The following FAF1 variants were observed in gnomAD, a reference collection of about 807,000 sequenced individuals.
FAF1 encodes the protein FAS-associated factor 1.
In FAF1, 25 loss-of-function variants were observed where a neutral mutation model predicts 92.5. The ratio of observed to expected loss-of-function variants is 0.27; its 90% CI spans 0.20 to 0.38. The LOEUF is 0.38. Among genes scored for constraint, FAF1 ranks in the 10% least tolerant of loss-of-function variants. FAF1 has a pLI of 1.00. For missense variants in FAF1, 636 were observed against 793.3 expected, an observed-to-expected ratio of 0.80 and a Z score of 2.38; for synonymous variants, 234 against 273.2, an observed-to-expected ratio of 0.86 and a Z score of 1.42.
intron 8 of FAF1, among the ~76,000 whole-genome samples, chr1:50,600,076 AAATG>A (rs1652024120): frequency 6.6e-6 from 1 of 152,286 alleles, no homozygotes. Context: ...ATTTTCTCCA[AAATG>A]AATGAAGTGA....
intron 4 of FAF1, among the ~76,000 whole-genome samples, chr1:50,745,021 C>T (rs1329831358): frequency 6.6e-6 from 1 of 152,170 alleles, no homozygotes; most frequent in Non-Finnish European, 1.5e-5. Context: ...GGTGTGGTTG[C>T]TCATGCCTGT....
At chr1:50,538,673 A>C (rs529605455) in intron 14 of FAF1, among the ~76,000 whole-genome samples, 3 of 152,260 alleles carry the variant, frequency 2.0e-5, no homozygotes, top group African/African-American at 7.2e-5. Flanking sequence ...AGTTCTTGCA[A>C]CATTGCCTCT....
chr1:50,760,928 G>A (rs560263046), intron 4 of FAF1, among the ~76,000 whole-genome samples: 46 of 152,120 alleles, frequency 3.0e-4, no homozygotes, highest in African/African-American at 1.1e-3. Context: ...CAACAAAATT[G>A]ATAGACCGCT....
At chr1:50,819,780 TATATATAC>T (rs1334198262) in intron 2 of FAF1, among the ~76,000 whole-genome samples, 1 of 75,838 alleles carries the variant, frequency 1.3e-5, no homozygotes, top group African/African-American at 4.6e-5. Context: ...TATATATACA[TATATATAC>T]ATATATATAT....
intron 15 of FAF1, among the ~76,000 whole-genome samples, chr1:50,496,199 C>T (rs1212548200): frequency 6.6e-6 from 1 of 152,140 alleles, no homozygotes; most frequent in Non-Finnish European, 1.5e-5. Flanking sequence ...AATGCATACA[C>T]ACATAGAACA....
intron 9 of FAF1, among the ~76,000 whole-genome samples, chr1:50,586,833 T>A (rs1359539074): frequency 6.6e-6 from 1 of 152,242 alleles, no homozygotes; most frequent in East Asian, 1.9e-4. Context: ...GAGAATGAAG[T>A]TGCCTTTAAA....
intron 8 of FAF1, among the ~76,000 whole-genome samples, chr1:50,652,158 T>A (rs1212789269): frequency 6.6e-6 from 1 of 152,208 alleles, no homozygotes; most frequent in Non-Finnish European, 1.5e-5. Context: ...ATCAAGCCTC[T>A]TAATAGGGAT....
At chr1:50,734,594 C>A (rs112331712) in intron 6 of FAF1, among the ~76,000 whole-genome samples, 1 of 151,852 alleles carries the variant, frequency 6.6e-6, no homozygotes, top group Non-Finnish European at 1.5e-5. Context: ...ATTAGCCGGG[C>A]GTATTGGCGG....
At chr1:50,797,917 A>G (rs762413690) in intron 3 of FAF1, among the ~76,000 whole-genome samples, 2 of 152,160 alleles carry the variant, frequency 1.3e-5, no homozygotes, top group Admixed American at 1.3e-4. Flanking sequence ...CTTCAACCAA[A>G]TAAGTGTTTT....
At chr1:50,474,651 C>T (rs1646616766) in intron 18 of FAF1, among the ~76,000 whole-genome samples, 1 of 152,254 alleles carries the variant, frequency 6.6e-6, no homozygotes, top group East Asian at 1.9e-4. Flanking sequence ...CAGCTTAATT[C>T]GACCATAACC....
At chr1:50,798,145 T>C (rs971693653) in intron 3 of FAF1, among the ~76,000 whole-genome samples, 1 of 152,030 alleles carries the variant, frequency 6.6e-6, no homozygotes, top group African/African-American at 2.4e-5. Context: ...AAATGGAAAT[T>C]AGACAAAGCA....
intron 7 of FAF1, among the ~76,000 whole-genome samples, chr1:50,678,597 C>A (rs1334427462): frequency 4.6e-5 from 7 of 150,590 alleles, no homozygotes; most frequent in African/African-American, 1.5e-4. Flanking sequence ...CTGGCCAACA[C>A]GGTGAAACCC....
chr1:50,693,804 C>G (rs1413248094), intron 7 of FAF1, among the ~76,000 whole-genome samples: 1 of 152,008 alleles, frequency 6.6e-6, no homozygotes, highest in African/African-American at 2.4e-5. Flanking sequence ...GACTAGCACA[C>G]ACCCCTCTCT....
At chr1:50,805,793 A>G (rs1353395112) in intron 2 of FAF1, among the ~76,000 whole-genome samples, 1 of 152,216 alleles carries the variant, frequency 6.6e-6, no homozygotes, top group Non-Finnish European at 1.5e-5. Context: ...GACAGCATCC[A>G]AAAGCCTCAA....
chr1:50,749,121 A>G (rs1338203495), intron 4 of FAF1, among the ~76,000 whole-genome samples: 1 of 152,242 alleles, frequency 6.6e-6, no homozygotes, highest in African/African-American at 2.4e-5. Context: ...TTATGGAAAG[A>G]GTAGAAAAAT....
chr1:50,875,245 G>A (rs901424384), intron 1 of FAF1, among the ~76,000 whole-genome samples: 1 of 151,602 alleles, frequency 6.6e-6, no homozygotes, highest in African/African-American at 2.4e-5. Flanking sequence ...TGTAGATTTT[G>A]GGGGTTTGTT....
At chr1:50,814,240 G>A (rs1353046770) in intron 2 of FAF1, among the ~76,000 whole-genome samples, 2 of 151,928 alleles carry the variant, frequency 1.3e-5, no homozygotes, top group African/African-American at 4.8e-5. Context: ...AGTAATACTA[G>A]GTATAATATT....
At chr1:50,905,513 T>C (rs1209975798) in intron 1 of FAF1, among the ~76,000 whole-genome samples, 1 of 152,194 alleles carries the variant, frequency 6.6e-6, no homozygotes, top group Non-Finnish European at 1.5e-5. Flanking sequence ...AGTGTAAAAG[T>C]ATTCCTATTT....
At chr1:50,798,419 A>G (rs1240955088) in intron 3 of FAF1, among the ~76,000 whole-genome samples, 2 of 152,246 alleles carry the variant, frequency 1.3e-5, no homozygotes, top group African/African-American at 4.8e-5. Flanking sequence ...ACATAGCATC[A>G]GCTCTCCAGT....
Sources: allele counts gnomAD v4.1 joint callset (sites outside exome capture counted in the v4.1 genomes callset), GRCh38; gene constraint gnomAD v4.1.1; transcripts MANE v1.5; gene names NCBI Gene and HGNC (gene_info 2026-07-23, HGNC 2026-07-21).